RNF150: variants seen among roughly 807,000 people sequenced by gnomAD.
RNF150 encodes ring finger protein 150.
Under a neutral mutation model 39.3 loss-of-function variants are expected in RNF150, and 24 were observed. That is an observed-to-expected ratio of 0.61 (90% CI 0.44 to 0.86). The LOEUF is 0.86. Among genes scored for constraint, RNF150 ranks in the 40% least tolerant of loss-of-function variants. The probability of loss-of-function intolerance (pLI) is 0.00; values close to 1 mark genes in which losing one functional copy is unlikely to be tolerated. For synonymous variants in RNF150, 255 were observed against 227.3 expected (o/e 1.12, Z -1.10); for missense variants, 502 against 587.8 (o/e 0.85, Z 1.51).
At chr4:141,007,751 A>G (rs1370206055) in intron 1 of RNF150, among the ~76,000 whole-genome samples, 2 of 152,168 alleles carry the variant, frequency 1.3e-5, no homozygotes, top group Admixed American at 1.3e-4. Context: ...CTTCATTATA[A>G]TCTGCCCATT....
intron 1 of RNF150, among the ~76,000 whole-genome samples, chr4:141,166,719 A>G (rs1023784143): frequency 1.3e-5 from 2 of 152,234 alleles, no homozygotes; most frequent in African/African-American, 4.8e-5. Flanking sequence ...TAGATACAGA[A>G]AAGACCTTCG....
At chr4:141,072,538 G>A (rs1244633637) in intron 1 of RNF150, among the ~76,000 whole-genome samples, 1 of 152,160 alleles carries the variant, frequency 6.6e-6, no homozygotes, top group African/African-American at 2.4e-5. Flanking sequence ...TGCTGTTATG[G>A]AACATTCTAA....
chr4:141,003,566 T>TACACACACACAC (rs70946725), intron 1 of RNF150, among the ~76,000 whole-genome samples: 4,600 of 142,464 alleles, frequency 0.032, 102 homozygotes, highest in Middle Eastern at 0.071. Context: ...CCCTAGCACG[T>TACACACACACAC]ACACACACAC....
intron 1 of RNF150, among the ~76,000 whole-genome samples, chr4:141,028,233 T>C (rs1735796025): frequency 6.6e-6 from 1 of 152,164 alleles, no homozygotes; most frequent in African/African-American, 2.4e-5. Context: ...GGTTCACATT[T>C]GGCATTCATT....
chr4:140,935,887 T>C (rs1361863370), intron 4 of RNF150, among the ~76,000 whole-genome samples: 1 of 152,178 alleles, frequency 6.6e-6, no homozygotes, highest in Non-Finnish European at 1.5e-5. Flanking sequence ...ACCACCCAGA[T>C]GAAGATATAC....
intron 1 of RNF150, among the ~76,000 whole-genome samples, chr4:141,139,175 C>T (rs940600335): frequency 2.0e-5 from 3 of 152,092 alleles, no homozygotes; most frequent in Admixed American, 6.5e-5. Context: ...TGACCAATCA[C>T]GCCACTGTAC....
chr4:140,908,225 G>GAGTA (rs1202704085), intron 6 of RNF150, among the ~76,000 whole-genome samples: 6 of 151,996 alleles, frequency 3.9e-5, no homozygotes, highest in Admixed American at 2.0e-4. Context: ...ATCTTAATTT[G>GAGTA]AGTAAGTCAC....
At chr4:141,098,348 C>T (rs966491021) in intron 1 of RNF150, among the ~76,000 whole-genome samples, 1 of 152,228 alleles carries the variant, frequency 6.6e-6, no homozygotes, top group Admixed American at 6.5e-5. Context: ...AGTGCTAGGG[C>T]AGGCCAGTCA....
At chr4:141,001,413 T>C (rs1004676289) in intron 1 of RNF150, among the ~76,000 whole-genome samples, 3 of 152,170 alleles carry the variant, frequency 2.0e-5, no homozygotes, top group Admixed American at 6.5e-5. Context: ...TTTGTTCAGC[T>C]TTAGTCATTA....
At chr4:140,941,644 C>T (rs1185674716) in intron 4 of RNF150, among the ~76,000 whole-genome samples, 1 of 152,038 alleles carries the variant, frequency 6.6e-6, no homozygotes, top group Non-Finnish European at 1.5e-5. Flanking sequence ...AGAATGAATA[C>T]TTAAAGAGCA....
chr4:141,140,159 C>G (rs934397949), intron 1 of RNF150, among the ~76,000 whole-genome samples: 2 of 152,168 alleles, frequency 1.3e-5, no homozygotes, highest in Non-Finnish European at 2.9e-5. Context: ...GTTTTGGAAA[C>G]GTTTTTTTAG....
intron 1 of RNF150, among the ~76,000 whole-genome samples, chr4:141,074,785 A>T (rs1388778978): frequency 6.6e-6 from 1 of 152,166 alleles, no homozygotes; most frequent in Admixed American, 6.5e-5. Flanking sequence ...GTGATACAAG[A>T]AAAGGGCAAG....
At chr4:140,984,263 G>T (rs970360418) in intron 1 of RNF150, among the ~76,000 whole-genome samples, 9 of 152,174 alleles carry the variant, frequency 5.9e-5, no homozygotes, top group Middle Eastern at 3.4e-3. Context: ...GGCCTCTTAA[G>T]GATCAGAGCT....
At chr4:140,957,674 G>T (rs367591799) in intron 2 of RNF150, among the ~76,000 whole-genome samples, 5 of 151,652 alleles carry the variant, frequency 3.3e-5, no homozygotes, top group African/African-American at 7.3e-5. Context: ...TGATAGACTG[G>T]ATTAAGAAAA....
chr4:140,958,045 A>C (rs1732849722), intron 2 of RNF150, among the ~76,000 whole-genome samples: 1 of 152,138 alleles, frequency 6.6e-6, no homozygotes, highest in Non-Finnish European at 1.5e-5. Context: ...AAGTATAATA[A>C]TTTAAAAAAA....
chr4:141,073,667 G>GGC (rs1041050256), intron 1 of RNF150, among the ~76,000 whole-genome samples: 59 of 53,294 alleles, frequency 1.1e-3, no homozygotes, highest in Non-Finnish European at 4.1e-3. Flanking sequence ...CAAGCTCGGG[G>GGC]GGGGAAGTCT....
intron 5 of RNF150, among the ~76,000 whole-genome samples, chr4:140,911,886 CTACATT>C (rs1315892888): frequency 6.6e-6 from 1 of 151,580 alleles, no homozygotes; most frequent in Non-Finnish European, 1.5e-5. Context: ...CAGGATAAGG[CTACATT>C]TAAGAAAAAC....
intron 2 of RNF150, among the ~76,000 whole-genome samples, chr4:140,955,760 C>T (rs1009178891): frequency 7.9e-5 from 12 of 152,192 alleles, no homozygotes; most frequent in Non-Finnish European, 1.5e-4. Context: ...TGAACTCTCC[C>T]TTGGTGGCTG....
rs572565554 is a variant in RNF150, at chr4:141,078,907, A to C, written c.484+53418T>G. ...TACACATACATATATATACACATACATATATACACATATATATACATATAT... is the reference window on the plus strand; with the variant it reads ...TACACATACATATATATACACATACCTATATACACATATATATACATATAT... On this transcript the variant is annotated intron_variant, in intron 1 of 6. Coordinates refer to ENST00000515673, the MANE Select transcript of RNF150 (RefSeq NM_020724.2). Among the ~76,000 whole-genome samples the C allele has an allele frequency of 8.2e-4, 120 of 146,454 alleles. 1 individual carries two copies. The highest frequency in any genetic ancestry group is 2.7e-3 in the African/African-American group (103 of 37,472).
Sources: allele counts gnomAD v4.1 joint callset (sites outside exome capture counted in the v4.1 genomes callset), GRCh38; gene constraint gnomAD v4.1.1; transcripts MANE v1.5; gene names NCBI Gene and HGNC (gene_info 2026-07-23, HGNC 2026-07-21).